Variants in P2RX7 observed in about 807,000 individuals in gnomAD.
P2RX7 encodes purinergic receptor P2X 7, also known as P2X purinoceptor 7.
Under a neutral mutation model 71.6 loss-of-function variants are expected in P2RX7, and 62 were observed. The observed-to-expected ratio is 0.87, with a 90% CI of 0.71 to 1.07. P2RX7 has a LOEUF of 1.07. Ranked by LOEUF, P2RX7 falls within the 50% of genes least tolerant of loss-of-function variation. The probability of loss-of-function intolerance (pLI) is 0.00; values close to 1 mark genes in which losing one functional copy is unlikely to be tolerated. For synonymous variants in P2RX7, 299 were observed against 283.3 expected (o/e 1.06, Z -0.56); for missense variants, 686 against 748.5 (o/e 0.92, Z 0.97).
chr12:121,156,870 TG>T (rs1565951403), intron 3 of P2RX7, among the ~76,000 whole-genome samples: 1 of 152,176 alleles, frequency 6.6e-6, no homozygotes, highest in Admixed American at 6.5e-5. Context: ...TGTTTTATTC[TG>T]GGCTAGGCAT....
intron 4 of P2RX7, 55 bp from the exon 5 acceptor site, chr12:121,162,369 G>T: frequency 6.2e-7 from 1 of 1,603,872 alleles, no homozygotes. Context: ...CCTGGAGAAC[G>T]TCCTCTCCGC....
chr12:121,185,078 TCCC>T lies in P2RX7; in HGVS notation c.*279_*281del, dbSNP rs66941982. 4.0e-5 allele frequency: 8 copies of T among 201,562 alleles called. No individual in the cohort carries two copies. Among genetic ancestry groups the T allele is most frequent in the Admixed American group, 1.3e-4 (2 of 14,934 alleles). 12.5% of individuals were successfully genotyped at this position (201,562 alleles called of 1,614,324 possible). On this transcript the variant is annotated 3_prime_UTR_variant, in exon 13 of 13. Transcript: ENST00000328963. Reference sequence around the variant, plus strand: ...CCAGCCTGGGAGGCACAGCAAACTGTCCCCCAAAAAAAAAAAAGAGTCCTTACC... The same window carrying T: ...CCAGCCTGGGAGGCACAGCAAACTGTCCAAAAAAAAAAAAGAGTCCTTACC...
At chr12:121,170,532 T>C (rs1881972311) in intron 8 of P2RX7, among the ~76,000 whole-genome samples, 1 of 152,186 alleles carries the variant, frequency 6.6e-6, no homozygotes, top group South Asian at 2.1e-4. Flanking sequence ...CCCAACACTT[T>C]GGGAGGCCGA....
intron 8 of P2RX7, among the ~76,000 whole-genome samples, chr12:121,174,870 A>G (rs1882813759): frequency 6.6e-6 from 1 of 151,528 alleles, no homozygotes; most frequent in African/African-American, 2.4e-5. Flanking sequence ...TGACATGGGG[A>G]GGGGGGACTG....
intron 4 of P2RX7, among the ~76,000 whole-genome samples, chr12:121,161,409 T>G (rs986055814): frequency 5.9e-5 from 9 of 152,190 alleles, no homozygotes; most frequent in African/African-American, 1.7e-4. Flanking sequence ...TGCACTGTTT[T>G]ATTTTGATTT....
At chr12:121,164,913 C>T (rs896145517) in intron 5 of P2RX7, among the ~76,000 whole-genome samples, 3 of 152,110 alleles carry the variant, frequency 2.0e-5, no homozygotes, top group South Asian at 2.1e-4. Flanking sequence ...TGGCAGAAGG[C>T]GAAGGGGAAG....
intron 1 of P2RX7, chr12:121,148,995 T>C: frequency 2.0e-6 from 1 of 507,956 alleles, no homozygotes. Context: ...ACCTTTGCGC[T>C]GGAAGCCCAG....
rs1048703214 is a variant in P2RX7 at position 121,133,168 on chromosome 12, A to G, written c.125+73A>G. 6 of 1,535,888 alleles carry G rather than the reference A, an allele frequency of 3.9e-6. No individual in the cohort carries two copies. In the East Asian group the frequency reaches 1.1e-4, roughly 29 times the overall value. Reference sequence around the variant, plus strand: ...ACAGAAAGCCCCAGCGGGCAGCTTCAGGTGCACATTCTGAATCTCACATGG... The same window carrying G: ...ACAGAAAGCCCCAGCGGGCAGCTTCGGGTGCACATTCTGAATCTCACATGG... On this transcript the variant is annotated intron_variant, in intron 1 of 12. Transcript: ENST00000328963.
At chr12:121,179,955 G>A (rs897421652) in intron 11 of P2RX7, among the ~76,000 whole-genome samples, 1 of 151,946 alleles carries the variant, frequency 6.6e-6, no homozygotes, top group African/African-American at 2.4e-5. Context: ...TTCAAGACCA[G>A]CCTGACCAAC....
intron 9 of P2RX7, among the ~76,000 whole-genome samples, chr12:121,175,804 A>T (rs74471196): frequency 6.6e-6 from 1 of 151,868 alleles, no homozygotes; most frequent in East Asian, 1.9e-4. Context: ...AGGGGAAAAA[A>T]AAAGTTTTGA....
rs538696930 is a variant in P2RX7 at position 121,154,986 on chromosome 12, C to T, written c.294+33C>T. ...CCTCGTAGCATTCTCCCAGGCTCGTCGCTGGTCACCGTCGCCAGGGCCTAG... is the reference window on the plus strand; with the variant it reads ...CCTCGTAGCATTCTCCCAGGCTCGTTGCTGGTCACCGTCGCCAGGGCCTAG... On this transcript the variant is annotated intron_variant, in intron 2 of 12. Transcript: ENST00000328963. The surrounding 1 kb of genome is among the most constrained non-coding windows in gnomAD (Gnocchi z 4.2). 5.6e-6 allele frequency: 9 copies of T among 1,610,806 alleles called. No homozygotes were observed. The highest frequency in any genetic ancestry group is 1.7e-5 in the Admixed American group (1 of 59,902).
chr12:121,151,112 T>C (rs1475891084), intron 1 of P2RX7, among the ~76,000 whole-genome samples: 2 of 152,290 alleles, frequency 1.3e-5, no homozygotes, highest in South Asian at 4.1e-4. Context: ...CAGCCTGAGC[T>C]ACTTGGGAGG....
intron 3 of P2RX7, among the ~76,000 whole-genome samples, chr12:121,159,156 C>G (rs2859393): frequency 6.6e-6 from 1 of 152,164 alleles, no homozygotes; most frequent in Non-Finnish European, 1.5e-5. Flanking sequence ...TGATGGCTCA[C>G]GCCTATAATC....
chr12:121,136,647 C>CTTTTTTTTT (rs66894143), intron 1 of P2RX7, among the ~76,000 whole-genome samples: 9 of 119,246 alleles, frequency 7.5e-5, no homozygotes, highest in East Asian at 4.7e-4. Context: ...TTCTTTCTTT[C>CTTTTTTTTT]TTTTTTTTTT....
chr12:121,143,233 A>AT (rs1405561429), intron 1 of P2RX7, among the ~76,000 whole-genome samples: 1 of 151,792 alleles, frequency 6.6e-6, no homozygotes, highest in African/African-American at 2.4e-5. Context: ...AAAAAAAAAA[A>AT]AAATACAAAA....
chr12:121,175,310 C>CCACAAAAAAA (rs1882894740), intron 8 of P2RX7, 78 bp from the exon 9 acceptor site: 1 of 375,090 alleles, frequency 2.7e-6, no homozygotes. Context: ...GACCCTGTCT[C>CCACAAAAAAA]AAAAAAAAAA....
intron 3 of P2RX7, among the ~76,000 whole-genome samples, chr12:121,160,033 G>A (rs995023499): frequency 7.9e-5 from 12 of 152,170 alleles, no homozygotes; most frequent in Admixed American, 6.5e-5. Context: ...GTGGTTTTTA[G>A]TATAATCACA....
At chr12:121,171,851 ATTCT>A (rs60719231) in intron 8 of P2RX7, among the ~76,000 whole-genome samples, 5 of 140,546 alleles carry the variant, frequency 3.6e-5, no homozygotes, top group Middle Eastern at 3.4e-3. Context: ...ACCCCAAGTG[ATTCT>A]TTCTTTCTTT....
At chr12:121,172,367 T>C (rs1882358955) in intron 8 of P2RX7, among the ~76,000 whole-genome samples, 1 of 152,236 alleles carries the variant, frequency 6.6e-6, no homozygotes, top group South Asian at 2.1e-4. Flanking sequence ...CGTTGGCTCA[T>C]GCCTATAATC....
Sources: gnomAD v4.1 joint callset for allele counts (sites outside exome capture counted in the v4.1 genomes callset) on GRCh38, gnomAD v4.1.1 for gene constraint, Gnocchi (gnomAD v3.1) non-coding constraint, MANE v1.5 for transcripts, NCBI Gene and HGNC (gene_info 2026-07-23, HGNC 2026-07-21) for gene names.